SASH1: variants seen among roughly 807,000 people sequenced by gnomAD.
SASH1 encodes the protein SAM and SH3 domain containing 1.
Under a neutral mutation model 125.2 loss-of-function variants are expected in SASH1, and 44 were observed. That is an observed-to-expected ratio of 0.35 (90% CI 0.28 to 0.45). SASH1 has a LOEUF of 0.45. Among genes scored for constraint, SASH1 ranks in the 20% least tolerant of loss-of-function variants. The pLI, the probability that SASH1 is intolerant of heterozygous loss-of-function variation, is 1.00. For missense variants in SASH1, 1,426 were observed against 1,614.5 expected (o/e 0.88, Z 2.00); for synonymous variants, 639 against 649.1 (o/e 0.98, Z 0.24).
At chr6:148,245,590 T>C in the SASH1 span, among the ~76,000 whole-genome samples, 10 of 152,260 alleles carry the variant, frequency 6.6e-5, no homozygotes, top group African/African-American at 2.4e-4. Context: ...TCTTAATAAC[T>C]GAAGGGACTT....
At chr6:148,504,831 G>GATAAATACCT (rs1779712489) in intron 8 of SASH1, among the ~76,000 whole-genome samples, 1 of 152,174 alleles carries the variant, frequency 6.6e-6, no homozygotes, top group African/African-American at 2.4e-5. Context: ...CGAGTATCTT[G>GATAAATACCT]ATAAATACCT....
intron 1 of SASH1, among the ~76,000 whole-genome samples, chr6:148,275,709 C>T (rs931487592): frequency 3.9e-5 from 6 of 152,204 alleles, no homozygotes; most frequent in Non-Finnish European, 7.3e-5. Context: ...TATGTATTTA[C>T]ATTAATCACA....
chr6:148,362,132 T>C (rs544698405), intron 1 of SASH1, among the ~76,000 whole-genome samples: 61 of 151,990 alleles, frequency 4.0e-4, no homozygotes, highest in African/African-American at 1.4e-3. Context: ...TTTCTCCGTG[T>C]TAGCCAGGAT....
At chr6:148,452,303 C>T (rs1777134278) in intron 4 of SASH1, among the ~76,000 whole-genome samples, 1 of 152,208 alleles carries the variant, frequency 6.6e-6, no homozygotes, top group Non-Finnish European at 1.5e-5. Flanking sequence ...GAGGCTCGTC[C>T]ATCTGTGACT....
At chr6:148,499,262 G>A (rs77612673) in intron 8 of SASH1, among the ~76,000 whole-genome samples, 13,779 of 151,784 alleles carry the variant, frequency 0.091, 661 homozygotes, top group Non-Finnish European at 0.099. Context: ...TCTCTATGCC[G>A]TTCATCTCCC....
Position 148,543,740 on chromosome 6 carries a change from C to T in SASH1, c.2270C>T (p.Ser757Phe), listed in dbSNP as rs1291019264. ...TCATCCACCGAGCCCAGCTTGAAGT[C>T]TTTTAGCAGAAACCAGTTGGGCAAT... ...AKSSTEPSLKSFSRNQLGNYP... is the reference protein window; with the variant it reads ...AKSSTEPSLKFFSRNQLGNYP... Residue 757 changes from serine (S) to phenylalanine (F), a missense_variant, in exon 18 of 20, where the codon TCT becomes TTT. This residue lies in a region of SASH1 where 634 missense variants were observed against 694.4 expected (regional missense o/e 0.91). Transcript: ENST00000367467. 6.2e-7 allele frequency: 1 copy of T among 1,604,382 alleles called. No homozygotes were observed.
At chr6:148,210,348 TG>T in the SASH1 span, among the ~76,000 whole-genome samples, 1 of 152,138 alleles carries the variant, frequency 6.6e-6, no homozygotes, top group Non-Finnish European at 1.5e-5. Context: ...ACTAACAACA[TG>T]GGGAAACCCT....
chr6:148,406,391 T>C (rs1005279542), intron 2 of SASH1, among the ~76,000 whole-genome samples: 2 of 152,322 alleles, frequency 1.3e-5, no homozygotes, highest in Non-Finnish European at 1.5e-5. Context: ...TTTAATGTTA[T>C]TTTAATCTGT....
rs1263882653 is a variant in SASH1, at chr6:148,495,387, A to G, written c.729+7672A>G. ...ACTGTCGTCTTTTATAGAATCTGCT[A>G]TTGTGAGCTCAACTCAAAATTTTAA... On this transcript the variant is annotated intron_variant, in intron 8 of 19. Transcript: ENST00000367467. This position sits in a 1 kb window ranked among gnomAD's most constrained non-coding sequence, Gnocchi z 4.0. Among the ~76,000 whole-genome samples the G allele has an allele frequency of 6.6e-6, 1 of 152,230 alleles. No individual in the cohort carries two copies. The highest frequency in any genetic ancestry group is 2.4e-5 in the African/African-American group (1 of 41,462).
intron 16 of SASH1, among the ~76,000 whole-genome samples, chr6:148,536,812 G>C (rs1781874310): frequency 6.6e-6 from 1 of 152,176 alleles, no homozygotes; most frequent in East Asian, 1.9e-4. Context: ...TTTGTACCAA[G>C]GAGCATTTTG....
rs75503999 is a variant in SASH1, at chr6:148,505,030, A to G, written c.730-9294A>G. The stretch of plus-strand genomic sequence containing the variant: ...CTGGATAAATCAGTGCATGAACTTC[A>G]TGTGTATTTCACATGGAACGAGGGC... On this transcript the variant is annotated intron_variant, in intron 8 of 19. Coordinates refer to ENST00000367467, the MANE Select transcript of SASH1 (RefSeq NM_015278.5). Among the ~76,000 whole-genome samples, 5 of 152,282 alleles carry G rather than the reference A, an allele frequency of 3.3e-5. No individual in the cohort carries two copies. The East Asian group carries it at 7.7e-4, about 23-fold the overall frequency.
intron 4 of SASH1, among the ~76,000 whole-genome samples, chr6:148,445,256 C>G (rs2115018909): frequency 6.6e-6 from 1 of 152,278 alleles, no homozygotes; most frequent in African/African-American, 2.4e-5. Flanking sequence ...AATGCCTAGC[C>G]TTCTGGGAAT....
intron 1 of SASH1, among the ~76,000 whole-genome samples, chr6:148,377,978 A>C (rs1159375023): frequency 6.6e-6 from 1 of 152,170 alleles, no homozygotes; most frequent in Non-Finnish European, 1.5e-5. Context: ...CTGGGTCAGT[A>C]AGTAGCAGAG....
At chr6:148,516,632 T>G (rs1306634005) in intron 9 of SASH1, among the ~76,000 whole-genome samples, 2 of 151,864 alleles carry the variant, frequency 1.3e-5, no homozygotes. Context: ...GGCACTTTCC[T>G]TAACACTTTA....
At chr6:148,514,492 A>T in intron 9 of SASH1, 36 bp downstream of exon 9, 3 of 1,358,616 alleles carry the variant, frequency 2.2e-6, no homozygotes, top group East Asian at 3.1e-5. Context: ...AAAAAGGCAG[A>T]CTCCACCCTG....
the SASH1 span, among the ~76,000 whole-genome samples, chr6:148,242,090 G>A: frequency 6.6e-6 from 1 of 152,148 alleles, no homozygotes; most frequent in South Asian, 2.1e-4. Context: ...TCCACACACG[G>A]ACATCGTAAG....
chr6:148,436,187 A>C, intron 2 of SASH1, among the ~76,000 whole-genome samples: 1 of 152,108 alleles, frequency 6.6e-6, no homozygotes. Context: ...AGGGCTTGTG[A>C]CTCTGGCAGA....
intron 4 of SASH1, 95 bp from the exon 5 acceptor site, chr6:148,468,450 G>C: frequency 1.1e-6 from 1 of 877,468 alleles, no homozygotes; most frequent in East Asian, 2.5e-5. Context: ...GCTGTATTAA[G>C]TAGTATTGAT....
intron 1 of SASH1, among the ~76,000 whole-genome samples, chr6:148,375,757 C>G (rs1782866601): frequency 6.6e-6 from 1 of 152,122 alleles, no homozygotes; most frequent in Non-Finnish European, 1.5e-5. Context: ...AAGAAAAGTT[C>G]CTTTGTAGGA....
Sources: gnomAD v4.1 joint callset for allele counts (sites outside exome capture counted in the v4.1 genomes callset) on GRCh38, gnomAD v4.1.1 for gene constraint, gnomAD v4.1.1 regional missense constraint, Gnocchi (gnomAD v3.1) non-coding constraint, MANE v1.5 for transcripts, NCBI Gene and HGNC (gene_info 2026-07-23, HGNC 2026-07-21) for gene names.